Variants in DENND2B observed in about 807,000 individuals in gnomAD.
DENND2B encodes the protein DENN domain-containing protein 2B.
DENND2B carries 32 observed loss-of-function variants against 116.0 expected under a neutral mutation model. The observed-to-expected ratio is 0.28, with a 90% CI of 0.21 to 0.37. DENND2B has a LOEUF of 0.37. Ranked by LOEUF, DENND2B falls within the 10% of genes least tolerant of loss-of-function variation. The probability of loss-of-function intolerance (pLI) is 1.00; values close to 1 mark genes in which losing one functional copy is unlikely to be tolerated. For missense variants in DENND2B, 1,276 were observed against 1,477.7 expected, an observed-to-expected ratio of 0.86 and a Z score of 2.24; for synonymous variants, 588 against 583.9, an observed-to-expected ratio of 1.01 and a Z score of -0.10.
At chr11:8,767,445 TA>T (rs1313528755) in intron 1 of DENND2B, among the ~76,000 whole-genome samples, 121 of 152,278 alleles carry the variant, frequency 7.9e-4, no homozygotes, top group Non-Finnish European at 1.2e-3. Context: ...TTTTAATTCT[TA>T]AATTCCATTT....
intron 3 of DENND2B, among the ~76,000 whole-genome samples, chr11:8,728,045 C>T (rs1198580138): frequency 6.6e-6 from 1 of 151,560 alleles, no homozygotes; most frequent in Non-Finnish European, 1.5e-5. Context: ...TGTGCTGTTG[C>T]CCAGGCTAGA....
At chr11:8,777,710 G>A (rs2057895644) in intron 1 of DENND2B, among the ~76,000 whole-genome samples, 1 of 152,246 alleles carries the variant, frequency 6.6e-6, no homozygotes, top group Admixed American at 6.5e-5. Flanking sequence ...AGAACCAGAA[G>A]AGGCTCTCTT....
chr11:8,826,909 C>A (rs1362520433), intron 4 of DENND2B, among the ~76,000 whole-genome samples: 1 of 152,090 alleles, frequency 6.6e-6, no homozygotes. Context: ...CAATTAGACC[C>A]CACGATTCAA....
intron 3 of DENND2B, among the ~76,000 whole-genome samples, chr11:8,853,813 A>AT (rs969344056): frequency 6.6e-6 from 1 of 151,772 alleles, no homozygotes; most frequent in African/African-American, 2.4e-5. Context: ...TGAGGTTTTT[A>AT]TTTTTTTAGA....
intron 1 of DENND2B, among the ~76,000 whole-genome samples, chr11:8,910,068 G>A (rs1371248971): frequency 1.3e-5 from 2 of 151,890 alleles, no homozygotes; most frequent in African/African-American, 2.4e-5. Flanking sequence ...TAAACATGGT[G>A]CAGTCTTCCT....
chr11:8,740,565 T>C (rs754676605), intron 2 of DENND2B, among the ~76,000 whole-genome samples: 7 of 152,250 alleles, frequency 4.6e-5, no homozygotes, highest in Non-Finnish European at 4.4e-5. Flanking sequence ...CTGGAGCTAG[T>C]TGGGAAAAAG....
chr11:8,807,183 C>T (rs774426571), intron 1 of DENND2B, among the ~76,000 whole-genome samples: 3 of 152,174 alleles, frequency 2.0e-5, no homozygotes, highest in East Asian at 1.9e-4. Flanking sequence ...TTAGGCCCAA[C>T]GATGGAAATG....
intron 1 of DENND2B, among the ~76,000 whole-genome samples, chr11:8,775,536 G>A (rs927587693): frequency 6.6e-6 from 1 of 151,988 alleles, no homozygotes; most frequent in Non-Finnish European, 1.5e-5. Flanking sequence ...GGCTGGGGTG[G>A]GGACACACCC....
At chr11:8,880,237 C>G (rs1252327075) in intron 2 of DENND2B, among the ~76,000 whole-genome samples, 1 of 152,062 alleles carries the variant, frequency 6.6e-6, no homozygotes, top group Non-Finnish European at 1.5e-5. Context: ...ATTCCTTCCT[C>G]CTAGGTACTC....
At position 8,858,728 on chromosome 11, in the gene DENND2B, G is replaced by T. The variant is rs574867982; in HGVS notation, c.-249-1292C>A. 3.9e-5 allele frequency among the ~76,000 whole-genome samples: 6 copies of T among 152,336 alleles called. No individual in the cohort carries two copies. In the East Asian group the frequency reaches 1.2e-3, roughly 29 times the overall value. ...GAGCAGAGGAGCCAGGACCAGCTGAGGATGGCTATTCTGAACCAGTCGAGG... is the reference window on the plus strand; with the variant it reads ...GAGCAGAGGAGCCAGGACCAGCTGATGATGGCTATTCTGAACCAGTCGAGG... On this transcript the variant is annotated intron_variant, in intron 2 of 6. Coordinates refer to the DENND2B transcript ENST00000524757.
chr11:8,783,207 A>G (rs1231038863), intron 1 of DENND2B, among the ~76,000 whole-genome samples: 2 of 152,048 alleles, frequency 1.3e-5, no homozygotes, highest in Non-Finnish European at 2.9e-5. Context: ...GGCATGTAGC[A>G]CCACACCAGC....
chr11:8,853,437 A>G (rs947946763), intron 3 of DENND2B, among the ~76,000 whole-genome samples: 2 of 152,200 alleles, frequency 1.3e-5, no homozygotes, highest in African/African-American at 4.8e-5. Context: ...GTGAGGACAC[A>G]GCCAGAAGGT....
intron 1 of DENND2B, among the ~76,000 whole-genome samples, chr11:8,882,250 T>G (rs957065834): frequency 6.6e-6 from 1 of 152,208 alleles, no homozygotes; most frequent in Non-Finnish European, 1.5e-5. Context: ...AACTTGTTAT[T>G]TCCCAGAAAA....
chr11:8,704,849 C>T (rs2042322838), intron 13 of DENND2B, among the ~76,000 whole-genome samples: 1 of 152,014 alleles, frequency 6.6e-6, no homozygotes, highest in African/African-American at 2.4e-5. Context: ...AGGCATGCGC[C>T]ACCACACCTG....
intron 4 of DENND2B, among the ~76,000 whole-genome samples, chr11:8,833,192 A>C (rs1220738004): frequency 2.6e-5 from 4 of 152,160 alleles, no homozygotes; most frequent in African/African-American, 9.7e-5. Flanking sequence ...TTTTAGTCCT[A>C]CTGTTAGTAC....
chr11:8,711,512 C>T (rs1467180323), intron 9 of DENND2B, among the ~76,000 whole-genome samples: 1 of 152,154 alleles, frequency 6.6e-6, no homozygotes, highest in Non-Finnish European at 1.5e-5. Context: ...CGACCTTACA[C>T]ATTCTCGTCA....
intron 1 of DENND2B, among the ~76,000 whole-genome samples, chr11:8,792,800 A>G (rs1182281872): frequency 6.6e-6 from 1 of 152,234 alleles, no homozygotes; most frequent in Admixed American, 6.5e-5. Context: ...CGCAGTGGAA[A>G]GAGGCACCTC....
chr11:8,828,223 C>T (rs2062052918), intron 4 of DENND2B, among the ~76,000 whole-genome samples: 1 of 152,178 alleles, frequency 6.6e-6, no homozygotes, highest in Non-Finnish European at 1.5e-5. Context: ...CGCTGAGAAC[C>T]TAGAAGGAGC....
chr11:8,729,908 C>A, intron 3 of DENND2B, 42 bp downstream of exon 3: 1 of 1,596,848 alleles, frequency 6.3e-7, no homozygotes, highest in African/African-American at 1.3e-5. Context: ...TAAAAGAAAG[C>A]CACGGTATTC....
Sources: allele counts gnomAD v4.1 joint callset (sites outside exome capture counted in the v4.1 genomes callset), GRCh38; gene constraint gnomAD v4.1.1; transcripts MANE v1.5; gene names NCBI Gene and HGNC (gene_info 2026-07-23, HGNC 2026-07-21).